LILRA2: variants seen among roughly 807,000 people sequenced by gnomAD.
LILRA2 encodes the protein leukocyte immunoglobulin like receptor A2, also known as leukocyte immunoglobulin-like receptor subfamily A member 2.
LILRA2 carries 45 observed loss-of-function variants against 47.9 expected under a neutral mutation model. That is an observed-to-expected ratio of 0.94 (90% confidence interval 0.74 to 1.20). The LOEUF (loss-of-function observed/expected upper bound fraction) is 1.20. Among genes scored for constraint, LILRA2 ranks in the 50% most tolerant of loss-of-function variants. The pLI, the probability that LILRA2 is intolerant of heterozygous loss-of-function variation, is 0.00. For missense variants in LILRA2, 651 were observed against 598.2 expected (o/e 1.09, Z -0.92); for synonymous variants, 279 against 249.2 (o/e 1.12, Z -1.13).
At position 54,576,185 on chromosome 19, in the gene LILRA2, A is replaced by C. The variant is rs1366494904; in HGVS notation, c.1255+76A>C. 6 of 1,595,836 alleles carry C rather than the reference A, an allele frequency of 3.8e-6. No individual in the cohort carries two copies. In the East Asian group the frequency reaches 1.1e-4, roughly 30 times the overall value. On this transcript the variant is annotated intron_variant, in intron 6 of 7. Transcript: ENST00000391738. Reference sequence around the variant, plus strand: ...CTGCCCCCAGCAGAGCTCTGGGACAATAATGAATGAGGGGAGTGAAGCGGG... The same window carrying C: ...CTGCCCCCAGCAGAGCTCTGGGACACTAATGAATGAGGGGAGTGAAGCGGG...
intron 6 of LILRA2, among the ~76,000 whole-genome samples, chr19:54,583,397 T>C (rs1031552116): frequency 2.0e-5 from 3 of 152,216 alleles, no homozygotes; most frequent in African/African-American, 7.2e-5. Context: ...ATTATTATTG[T>C]GTGGGAGTCT....
rs73936596 is a variant in LILRA2, at chr19:54,586,056, T to C, written c.1256-954T>C. Among the ~76,000 whole-genome samples the C allele has an allele frequency of 7.0e-3, 1,061 of 152,110 alleles. 16 individuals carry two copies. The highest frequency in any genetic ancestry group is 0.024 in the African/African-American group (993 of 41,566). On this transcript the variant is annotated intron_variant, in intron 6 of 7. Coordinates refer to ENST00000391738, the MANE Select transcript of LILRA2 (RefSeq NM_001130917.3). ...TTAATTTCTGGTACAATTTTAGAAA[T>C]CATAATACATGGAAATTTTATTTCT...
Position 54,576,870 on chromosome 19 carries a change from G to A in LILRA2, c.1255+761G>A, listed in dbSNP as rs1188091822. On this transcript the variant is annotated intron_variant, in intron 6 of 7. Coordinates refer to ENST00000391738, the MANE Select transcript of LILRA2 (RefSeq NM_001130917.3). The stretch of plus-strand genomic sequence containing the variant: ...TCCTTGGGAGGTGGAACTTCTGAAA[G>A]AGCCCATTCCCCTTGCACCCTGGAC... Among the ~76,000 whole-genome samples the A allele has an allele frequency of 1.7e-3, 262 of 151,786 alleles. No homozygotes were observed. The South Asian group carries it at 0.036, about 21-fold the overall frequency.
At position 54,587,239 on chromosome 19, in the gene LILRA2, A is replaced by G. The variant is rs776095972; in HGVS notation, c.1345A>G (p.Asn449Asp). Residue 449 changes from asparagine (N) to aspartate (D), a missense_variant, in exon 8 of 8, where the codon AAT (asparagine) becomes GAT (aspartate). Physicochemically the swap from Asn to Asp is conservative, Grantham distance 23. Coordinates refer to ENST00000391738, the MANE Select transcript of LILRA2 (RefSeq NM_001130917.3). ...GQHPQDYTVE[N>D]LIRMGVAGLV... ...ACACCCCCAGGATTACACAGTGGAG[A>G]ATCTCATCCGCATGGGTGTGGCTGG... 2 of 1,613,936 alleles carry G rather than the reference A, an allele frequency of 1.2e-6. No homozygotes were observed. Among genetic ancestry groups the G allele is most frequent in the Non-Finnish European group, 8.5e-7 (1 of 1,179,962 alleles).
rs376187515 is a variant in LILRA2 at position 54,573,828 on chromosome 19, C to T, written c.-51C>T. On this transcript the variant is annotated 5_prime_UTR_variant, in exon 1 of 8. Coordinates refer to ENST00000391738, the MANE Select transcript of LILRA2 (RefSeq NM_001130917.3). ...CACCCTGTGCGTCTCTCTGTCCTGC[C>T]AGCACTGAGGGCTCATCCATCCGCA... 2 of 1,613,780 alleles carry T rather than the reference C, an allele frequency of 1.2e-6. No individual in the cohort carries two copies. The highest frequency in any genetic ancestry group is 1.1e-5 in the South Asian group (1 of 91,082).
rs761502316 is a variant in LILRA2 at position 54,574,555 on chromosome 19, A to T, written c.325A>T (p.Ser109Cys). The T allele has an allele frequency of 6.2e-7, 1 of 1,614,158 alleles. No homozygotes were observed. Among genetic ancestry groups the T allele is most frequent in the Non-Finnish European group, 8.5e-7 (1 of 1,179,990 alleles). ...YYSHNHSSEY[S>C]DPLELVVTGA... ...CAGCCACAATCACTCATCAGAGTAC[A>T]GTGACCCCCTGGAGCTGGTGGTGAC... The change falls in exon 3 of 8, where the codon AGT becomes TGT. Residue 109 changes from serine (S) to cysteine (C), a missense_variant. By Grantham distance (112) the Ser-to-Cys change is moderately radical. Coordinates refer to ENST00000391738, the MANE Select transcript of LILRA2 (RefSeq NM_001130917.3).
In LILRA2 at chr19:54,587,976, C is replaced by T. The variant is rs1029004787; in HGVS notation, c.*630C>T. On this transcript the variant is annotated 3_prime_UTR_variant, in exon 8 of 8. Coordinates refer to ENST00000391738, the MANE Select transcript of LILRA2 (RefSeq NM_001130917.3). ...GCTATGCTGATTCAGAAAAAGACAT[C>T]TCTAAAATACTGTAATTAGTGGTAT... 1.3e-5 allele frequency: 2 copies of T among 152,834 alleles called. No homozygotes were observed. Among genetic ancestry groups the T allele is most frequent in the East Asian group, 3.8e-4 (2 of 5,196 alleles). The allele number at this position is 152,834 out of a possible 1,614,324, so 9.5% of individuals were successfully genotyped here.
In LILRA2 at chr19:54,575,509, C is replaced by G. The variant is rs200182124; in HGVS notation, c.909C>G (p.Ser303=). The G allele has an allele frequency of 2.5e-6, 4 of 1,612,530 alleles. No homozygotes were observed. Among genetic ancestry groups the G allele is most frequent in the African/African-American group, 1.3e-5 (1 of 74,978 alleles). ...YRCYSAHNLS[S]EWSAPSDPLD... ...GCTACAGTGCACACAACCTCTCCTCCGAGTGGTCGGCCCCCAGTGACCCCC... is the reference window on the plus strand; with the variant it reads ...GCTACAGTGCACACAACCTCTCCTCGGAGTGGTCGGCCCCCAGTGACCCCC... Residue 303 remains serine (S), a synonymous_variant, in exon 5 of 8, where the codon TCC becomes TCG. Transcript: ENST00000391738.
In LILRA2 at chr19:54,589,122, T is replaced by C. The variant is rs1263163592; in HGVS notation, c.*1776T>C. On this transcript the variant is annotated 3_prime_UTR_variant, in exon 8 of 8. Transcript: ENST00000391738. ...CACCCATTCTTCTGTGTGTGTCTTT[T>C]CTCTTCTTCAGATTATGATATCACT... 6.6e-6 allele frequency: 1 copy of C among 152,170 alleles called. No homozygotes were observed. The highest frequency in any genetic ancestry group is 2.4e-5 in the African/African-American group (1 of 41,420). 9.4% of individuals were successfully genotyped at this position (152,170 alleles called of 1,614,324 possible). A position where few individuals can be genotyped will look rare whatever the true frequency, so the allele number is the denominator to read the frequency against.
intron 6 of LILRA2, chr19:54,577,621 G>A: frequency 7.8e-7 from 1 of 1,289,628 alleles, no homozygotes; most frequent in Non-Finnish European, 1.0e-6. Flanking sequence ...CCAGCTGTGG[G>A]TGCCGCTCAC....
chr19:54,583,969 G>T (rs2062721246), intron 6 of LILRA2, among the ~76,000 whole-genome samples: 1 of 152,132 alleles, frequency 6.6e-6, no homozygotes, highest in Non-Finnish European at 1.5e-5. Flanking sequence ...CAGGCCTGGT[G>T]GTGACAAAAT....
chr19:54,573,890 C>T lies in LILRA2; in HGVS notation c.12C>T (p.Ile4=). ...TGGGAGGAGACGCCATGACCCCCAT[C>T]CTCACGGTCCTGATCTGTCTCGGTG... MTP[I]LTVLICLGLS... The change falls in exon 1 of 8, where the codon ATC becomes ATT. Residue 4 remains isoleucine, a synonymous_variant. Coordinates refer to ENST00000391738, the MANE Select transcript of LILRA2 (RefSeq NM_001130917.3). 6.2e-7 allele frequency: 1 copy of T among 1,614,218 alleles called. No homozygotes were observed. Among genetic ancestry groups the T allele is most frequent in the Non-Finnish European group, 8.5e-7 (1 of 1,180,036 alleles).
intron 6 of LILRA2, chr19:54,577,406 T>G (rs955361664): frequency 9.2e-6 from 11 of 1,190,498 alleles, no homozygotes; most frequent in South Asian, 3.0e-5. Context: ...GAGAGGCAGG[T>G]GAGTTGGAGA....
chr19:54,580,192 C>CTT lies in LILRA2; in HGVS notation c.1255+4086_1255+4087dup, dbSNP rs1203757541. ...GAAATTCTTGTCTTGTGCCGGTTTT[C>CTT]TTTTCTTTTTTTTTTTTTTTTATTA... On this transcript the variant is annotated intron_variant, in intron 6 of 7. Coordinates refer to ENST00000391738, the MANE Select transcript of LILRA2 (RefSeq NM_001130917.3). Among the ~76,000 whole-genome samples the CTT allele has an allele frequency of 7.8e-3, 868 of 111,932 alleles. 36 individuals carry two copies. Among genetic ancestry groups the CTT allele is most frequent in the African/African-American group, 0.026 (747 of 28,826 alleles). 73.4% of individuals were successfully genotyped at this position (111,932 alleles called of 152,430 possible). A position where few individuals can be genotyped will look rare whatever the true frequency, so the allele number is the denominator to read the frequency against.
intron 6 of LILRA2, among the ~76,000 whole-genome samples, chr19:54,580,192 C>CTTTTTTTTT (rs1203757541): frequency 8.9e-6 from 1 of 112,016 alleles, no homozygotes; most frequent in African/African-American, 3.5e-5. Flanking sequence ...TGCCGGTTTT[C>CTTTTTTTTT]TTTTCTTTTT....
At chr19:54,582,394 C>A (rs1482281606) in intron 6 of LILRA2, among the ~76,000 whole-genome samples, 2 of 152,160 alleles carry the variant, frequency 1.3e-5, no homozygotes, top group Non-Finnish European at 2.9e-5. Context: ...GGCTGCGAAT[C>A]CTTCTGGTCC....
At chr19:54,577,443 G>A (rs924159786) in intron 6 of LILRA2, 3 of 1,270,488 alleles carry the variant, frequency 2.4e-6, no homozygotes, top group African/African-American at 3.1e-5. Flanking sequence ...TGTATTGGCA[G>A]CTCTCATTTC....
intron 6 of LILRA2, among the ~76,000 whole-genome samples, chr19:54,582,316 T>C (rs535498106): frequency 6.6e-6 from 1 of 152,324 alleles, no homozygotes; most frequent in African/African-American, 2.4e-5. Flanking sequence ...GATTCCCTCT[T>C]TTTCCATTGA....
At position 54,588,311 on chromosome 19, in the gene LILRA2, A is replaced by C. The variant is rs893163636; in HGVS notation, c.*965A>C. Reference sequence around the variant, plus strand: ...GGGAGATAACACGGCTCACCTAAAAATCAAAGTACATGCCGGGCGCGGTGG... The same window carrying C: ...GGGAGATAACACGGCTCACCTAAAACTCAAAGTACATGCCGGGCGCGGTGG... On this transcript the variant is annotated 3_prime_UTR_variant, in exon 8 of 8. Transcript: ENST00000391738. 6.6e-6 allele frequency: 1 copy of C among 152,194 alleles called. No homozygotes were observed. Among genetic ancestry groups the C allele is most frequent in the Admixed American group, 6.5e-5 (1 of 15,286 alleles). The allele number at this position is 152,194 out of a possible 1,614,324, so 9.4% of individuals were successfully genotyped here.
Sources: gnomAD v4.1 joint callset for allele counts (sites outside exome capture counted in the v4.1 genomes callset) on GRCh38, gnomAD v4.1.1 for gene constraint, MANE v1.5 for transcripts, NCBI Gene and HGNC (gene_info 2026-07-23, HGNC 2026-07-21) for gene names.